The following TENM2 variants were observed in gnomAD, a reference collection of about 807,000 sequenced individuals.
TENM2 encodes the protein teneurin-2.
TENM2 carries 52 observed loss-of-function variants against 245.2 expected under a neutral mutation model. The ratio of observed to expected loss-of-function variants is 0.21; its 90% CI spans 0.17 to 0.27. The LOEUF is 0.27. Ranked by LOEUF, TENM2 falls within the 10% of genes least tolerant of loss-of-function variation. TENM2 has a pLI of 1.00. For synonymous variants in TENM2, 1,363 were observed against 1,438.9 expected (o/e 0.95, Z 1.19); for missense variants, 3,046 against 3,666.8 (o/e 0.83, Z 4.37).
the TENM2 span, among the ~76,000 whole-genome samples, chr5:167,195,860 C>T: frequency 1.3e-5 from 2 of 151,928 alleles, no homozygotes; most frequent in African/African-American, 4.8e-5. Context: ...GATCTACACA[C>T]CTGTATTTGG....
At chr5:167,543,730 T>G (rs1444174972) in intron 2 of TENM2, among the ~76,000 whole-genome samples, 1 of 152,176 alleles carries the variant, frequency 6.6e-6, no homozygotes, top group Non-Finnish European at 1.5e-5. Flanking sequence ...GAGAGAATTC[T>G]TCCTTGCCCC....
intron 2 of TENM2, among the ~76,000 whole-genome samples, chr5:167,417,977 T>G (rs1763258679): frequency 6.6e-6 from 1 of 152,234 alleles, no homozygotes; most frequent in Non-Finnish European, 1.5e-5. Flanking sequence ...TTGAATAATG[T>G]GTCACTAAGT....
chr5:167,718,006 T>C (rs1314939174), intron 2 of TENM2, among the ~76,000 whole-genome samples: 1 of 152,198 alleles, frequency 6.6e-6, no homozygotes, highest in Non-Finnish European at 1.5e-5. Context: ...TTTAAATAGG[T>C]GATCTTTGAA....
At chr5:167,090,291 T>A in the TENM2 span, among the ~76,000 whole-genome samples, 1 of 151,996 alleles carries the variant, frequency 6.6e-6, no homozygotes, top group African/African-American at 2.4e-5. Context: ...AAGGTTTTTT[T>A]TTTTTTTAAA....
At chr5:167,088,672 AT>A in the TENM2 span, among the ~76,000 whole-genome samples, 1 of 152,042 alleles carries the variant, frequency 6.6e-6, no homozygotes, top group Non-Finnish European at 1.5e-5. Context: ...TTAGAAAGCT[AT>A]TTATTTTTTA....
intron 2 of TENM2, among the ~76,000 whole-genome samples, chr5:167,671,862 G>A (rs905905098): frequency 1.3e-5 from 2 of 151,564 alleles, no homozygotes; most frequent in Non-Finnish European, 2.9e-5. Flanking sequence ...CATTCTGCTT[G>A]TAATATGGAA....
intron 2 of TENM2, among the ~76,000 whole-genome samples, chr5:167,614,066 C>A (rs1341356424): frequency 2.0e-5 from 3 of 152,010 alleles, no homozygotes; most frequent in Non-Finnish European, 4.4e-5. Flanking sequence ...GCATTCCTAG[C>A]TTGTCCAAAT....
intron 2 of TENM2, among the ~76,000 whole-genome samples, chr5:167,421,895 C>A (rs1356048365): frequency 1.3e-5 from 2 of 152,082 alleles, no homozygotes; most frequent in Non-Finnish European, 2.9e-5. Flanking sequence ...CAGGTTCAAG[C>A]AATTCTCTGC....
chr5:167,448,862 T>C (rs570754730), intron 2 of TENM2, among the ~76,000 whole-genome samples: 1 of 152,186 alleles, frequency 6.6e-6, no homozygotes, highest in East Asian at 1.9e-4. Flanking sequence ...CTAAGCCAAG[T>C]TCTTGTGGTT....
intron 2 of TENM2, among the ~76,000 whole-genome samples, chr5:167,462,181 A>ATCCC (rs1766341507): frequency 1.3e-5 from 1 of 75,022 alleles, no homozygotes; most frequent in Non-Finnish European, 2.7e-5. Context: ...CCTGACCCCC[A>ATCCC]CCCCCCCCCC....
chr5:167,794,461 A>C (rs1211186353), intron 2 of TENM2, among the ~76,000 whole-genome samples: 1 of 152,244 alleles, frequency 6.6e-6, no homozygotes, highest in African/African-American at 2.4e-5. Flanking sequence ...GCTCCTTTAC[A>C]ATATGCATTT....
At chr5:167,842,774 C>G (rs1314130985) in intron 2 of TENM2, among the ~76,000 whole-genome samples, 1 of 152,028 alleles carries the variant, frequency 6.6e-6, no homozygotes, top group Non-Finnish European at 1.5e-5. Flanking sequence ...GTGGCAGTGT[C>G]AAGCTACTAT....
At chr5:167,650,161 G>A (rs1554095605) in intron 2 of TENM2, among the ~76,000 whole-genome samples, 1 of 151,906 alleles carries the variant, frequency 6.6e-6, no homozygotes, top group Non-Finnish European at 1.5e-5. Flanking sequence ...GCATTCCCTG[G>A]GTCTCAATAT....
At chr5:167,673,700 A>G (rs1314306351) in intron 2 of TENM2, among the ~76,000 whole-genome samples, 3 of 152,134 alleles carry the variant, frequency 2.0e-5, no homozygotes, top group African/African-American at 2.4e-5. Flanking sequence ...AGAGACCCCA[A>G]TTGAATCTAC....
chr5:167,891,112 G>A (rs533783412), intron 3 of TENM2, among the ~76,000 whole-genome samples: 1 of 152,062 alleles, frequency 6.6e-6, no homozygotes, highest in East Asian at 1.9e-4. Context: ...CTATTCACAT[G>A]TATTTAAAAA....
At chr5:167,833,833 C>A (rs901271279) in intron 2 of TENM2, among the ~76,000 whole-genome samples, 10 of 152,226 alleles carry the variant, frequency 6.6e-5, no homozygotes, top group African/African-American at 2.4e-4. Context: ...CTTCCCAAAT[C>A]TTTCCCAATT....
rs577425103 is a variant in TENM2, at chr5:168,014,744, T to C, written c.1186+21562T>C. On this transcript the variant is annotated intron_variant, in intron 5 of 28. Transcript: ENST00000518659. ...CAATGAAATGGAAGGATTCCCAAAC[T>C]GAAGGCAAATGACTTGAAAATGAGA... 5.3e-5 allele frequency among the ~76,000 whole-genome samples: 8 copies of C among 152,286 alleles called. No homozygotes were observed. The South Asian group carries it at 8.3e-4, about 16-fold the overall frequency.
In TENM2 at chr5:168,090,787, G is replaced by A. The variant is rs766718433; in HGVS notation, c.1711+18G>A. On this transcript the variant is annotated intron_variant, in intron 8 of 28. Coordinates refer to ENST00000518659, the Ensembl canonical transcript of TENM2. ...TGTCCTAGGTAGGTGTGGGGTCTCT[G>A]AGATGGTACGCCATGAAGGGAAGAT... is the stretch of plus-strand genomic sequence containing the variant. 9 of 1,597,694 alleles carry A rather than the reference G, an allele frequency of 5.6e-6. No individual in the cohort carries two copies. The East Asian group carries it at 2.0e-4, about 36-fold the overall frequency.
At chr5:167,868,804 G>A (rs1772559732) in intron 2 of TENM2, among the ~76,000 whole-genome samples, 1 of 151,020 alleles carries the variant, frequency 6.6e-6, no homozygotes, top group East Asian at 1.9e-4. Flanking sequence ...CTGCAATAAT[G>A]ATTGATACTA....
Sources: allele counts gnomAD v4.1 joint callset (sites outside exome capture counted in the v4.1 genomes callset), GRCh38; gene constraint gnomAD v4.1.1; transcripts MANE v1.5; gene names NCBI Gene and HGNC (gene_info 2026-07-23, HGNC 2026-07-21).